ACER1: variants seen among roughly 807,000 people sequenced by gnomAD.
The protein encoded by ACER1 is alkaline ceramidase 1.
In ACER1, 28 loss-of-function variants were observed where a neutral mutation model predicts 24.9. The ratio of observed to expected loss-of-function variants is 1.13; its 90% CI spans 0.83 to 1.54. The LOEUF (loss-of-function observed/expected upper bound fraction) is 1.54, where lower values mean the gene tolerates loss of function less well. ACER1 is among the 40% of genes most tolerant of loss of function. The pLI, the probability that ACER1 is intolerant of heterozygous loss-of-function variation, is 0.00. For missense variants in ACER1, 352 were observed against 349.3 expected, an observed-to-expected ratio of 1.01 and a Z score of -0.06; for synonymous variants, 132 against 131.4, an observed-to-expected ratio of 1.00 and a Z score of -0.03.
chr19:6,312,081 G>C (rs2091584446), intron 3 of ACER1, 68 bp downstream of exon 3: 1 of 1,556,404 alleles, frequency 6.4e-7, no homozygotes, highest in Middle Eastern at 2.3e-4. Context: ...GGGGACTCAG[G>C]TGAGCTCATG....
chr19:6,339,727 G>A, the ACER1 span, among the ~76,000 whole-genome samples: 27 of 152,024 alleles, frequency 1.8e-4, no homozygotes, highest in Non-Finnish European at 4.0e-4. Flanking sequence ...GAGTGCAGTG[G>A]TGCGATCTCG....
chr19:6,335,696 T>A (rs1243233924), upstream of ACER1, among the ~76,000 whole-genome samples: 2 of 151,540 alleles, frequency 1.3e-5, no homozygotes, highest in African/African-American at 4.8e-5. Flanking sequence ...CTGGGCGTGA[T>A]GGTGGGTGCC....
At chr19:6,323,224 T>C (rs1438245301) in intron 1 of ACER1, among the ~76,000 whole-genome samples, 2 of 151,698 alleles carry the variant, frequency 1.3e-5, no homozygotes, top group Non-Finnish European at 2.9e-5. Flanking sequence ...ATAGAGACCA[T>C]CATGGCTAAC....
At chr19:6,336,935 G>A (rs1042635900), upstream of ACER1, among the ~76,000 whole-genome samples, 4 of 152,088 alleles carry the variant, frequency 2.6e-5, no homozygotes, top group South Asian at 6.2e-4. Context: ...CAGCACTCTG[G>A]GAGGCTGAGG....
At position 6,306,717 on chromosome 19, in the gene ACER1, G is replaced by T; in HGVS notation, c.792C>A (p.Cys264Ter). Reference sequence around the variant, plus strand: ...ATAGTCAAGAGGCTGGCAGGTCTCAGCAGTCCTTGTCATCACCCCGGATTT... The same window carrying T: ...ATAGTCAAGAGGCTGGCAGGTCTCATCAGTCCTTGTCATCACCCCGGATTT... The part of the protein sequence containing the change: ...YVEIRGDDKD[C>*] Residue 264 changes from cysteine (C) to a stop codon, truncating the protein, a stop_gained, in exon 6 of 6, where the codon TGC (cysteine) becomes TGA (stop). Transcript: ENST00000301452. LOFTEE classifies it high-confidence loss of function. 2.5e-6 allele frequency: 4 copies of T among 1,607,106 alleles called. No homozygotes were observed. The highest frequency in any genetic ancestry group is 3.4e-6 in the Non-Finnish European group (4 of 1,176,010).
intron 1 of ACER1, among the ~76,000 whole-genome samples, chr19:6,327,286 C>T (rs2091665927): frequency 6.6e-6 from 1 of 152,188 alleles, no homozygotes; most frequent in South Asian, 2.1e-4. Context: ...CAAAAATTAG[C>T]TGGGGATGGT....
At chr19:6,321,750 G>C (rs961103607) in intron 1 of ACER1, among the ~76,000 whole-genome samples, 3 of 152,194 alleles carry the variant, frequency 2.0e-5, no homozygotes, top group African/African-American at 7.2e-5. Flanking sequence ...TGGGACTACA[G>C]ACACGTGCCA....
At chr19:6,341,475 G>A in the ACER1 span, among the ~76,000 whole-genome samples, 5 of 147,530 alleles carry the variant, frequency 3.4e-5, no homozygotes, top group Admixed American at 2.7e-4. Context: ...AGTGAGCTAT[G>A]TGTGCACCAC....
At chr19:6,335,906 C>CTTTTCTTTTTTTT (rs1555717055), upstream of ACER1, among the ~76,000 whole-genome samples, 224 of 141,554 alleles carry the variant, frequency 1.6e-3, 1 homozygote, top group African/African-American at 4.8e-3. Context: ...TTTTTCTTTT[C>CTTTTCTTTTTTTT]TTTTTTTTTT....
At chr19:6,348,265 G>A in the ACER1 span, among the ~76,000 whole-genome samples, 1 of 151,762 alleles carries the variant, frequency 6.6e-6, no homozygotes, top group Non-Finnish European at 1.5e-5. Context: ...AGGAGTTTGA[G>A]ACCAGCCTGG....
At chr19:6,316,552 G>T (rs2091604045) in intron 1 of ACER1, among the ~76,000 whole-genome samples, 3 of 151,952 alleles carry the variant, frequency 2.0e-5, no homozygotes, top group Non-Finnish European at 4.4e-5. Flanking sequence ...CGGGCGCGGT[G>T]GCTTGCACCT....
At chr19:6,348,645 C>T in the ACER1 span, among the ~76,000 whole-genome samples, 1 of 151,972 alleles carries the variant, frequency 6.6e-6, no homozygotes. Flanking sequence ...GAATGCTCCA[C>T]AGGCATTAAA....
intron 1 of ACER1, among the ~76,000 whole-genome samples, chr19:6,326,316 C>T (rs899325481): frequency 7.9e-5 from 12 of 151,846 alleles, no homozygotes; most frequent in South Asian, 2.1e-4. Context: ...TTAGTAGAGA[C>T]GGGGTTTCAC....
At chr19:6,337,738 C>T (rs192507807), upstream of ACER1, among the ~76,000 whole-genome samples, 380 of 120,026 alleles carry the variant, frequency 3.2e-3, 2 homozygotes, top group African/African-American at 0.012. Context: ...TGCAGTGGCT[C>T]GATCTTGGCT....
intron 3 of ACER1, among the ~76,000 whole-genome samples, chr19:6,310,865 G>A (rs1315310728): frequency 2.1e-5 from 3 of 144,138 alleles, no homozygotes; most frequent in African/African-American, 5.5e-5. Flanking sequence ...GGGACACAGC[G>A]AGACTTCATC....
At chr19:6,315,096 C>T (rs1428272621) in intron 1 of ACER1, among the ~76,000 whole-genome samples, 2 of 151,726 alleles carry the variant, frequency 1.3e-5, no homozygotes, top group African/African-American at 2.4e-5. Context: ...GGGGTTTCAC[C>T]GTGGTCTCAA....
the ACER1 span, among the ~76,000 whole-genome samples, chr19:6,357,755 C>A: frequency 6.8e-6 from 1 of 148,128 alleles, no homozygotes; most frequent in African/African-American, 2.5e-5. Flanking sequence ...AGAGTGAGAC[C>A]CCGTCTCAAA....
intron 1 of ACER1, among the ~76,000 whole-genome samples, chr19:6,324,007 C>T (rs1185075792): frequency 6.6e-6 from 1 of 152,052 alleles, no homozygotes; most frequent in Non-Finnish European, 1.5e-5. Flanking sequence ...ACTATCTCCC[C>T]TCCACCCCCT....
intron 5 of ACER1, 24 bp downstream of exon 5, chr19:6,307,129 C>T (rs745613358): frequency 1.9e-6 from 3 of 1,612,754 alleles, no homozygotes; most frequent in South Asian, 1.1e-5. Flanking sequence ...CTGGGCCCCC[C>T]ACAGCCTCAG....
Sources: allele counts gnomAD v4.1 joint callset (sites outside exome capture counted in the v4.1 genomes callset), GRCh38; gene constraint gnomAD v4.1.1; transcripts MANE v1.5; gene names NCBI Gene and HGNC (gene_info 2026-07-23, HGNC 2026-07-21).